Variants in ATG13 observed in about 807,000 individuals in gnomAD.
The protein encoded by ATG13 is autophagy-related protein 13.
In ATG13, 23 loss-of-function variants were observed where a neutral mutation model predicts 65.5. The observed-to-expected ratio is 0.35, with a 90% CI of 0.25 to 0.50. The LOEUF (loss-of-function observed/expected upper bound fraction) is 0.50. Among genes scored for constraint, ATG13 ranks in the 20% least tolerant of loss-of-function variants. The pLI is 0.98. For synonymous variants in ATG13, 252 were observed against 245.2 expected (o/e 1.03, Z -0.26); for missense variants, 566 against 677.0 (o/e 0.84, Z 1.82).
intron 7 of ATG13, among the ~76,000 whole-genome samples, chr11:46,653,591 A>T (rs2059369316): frequency 1.4e-5 from 2 of 147,456 alleles, no homozygotes; most frequent in Non-Finnish European, 1.5e-5. Context: ...GTTTTTTGAG[A>T]CGGAGTCTCG....
intron 2 of ATG13, among the ~76,000 whole-genome samples, chr11:46,638,921 C>T (rs1441389653): frequency 6.6e-6 from 1 of 152,138 alleles, no homozygotes; most frequent in Non-Finnish European, 1.5e-5. Flanking sequence ...CATTCTCCCA[C>T]CTCAGCCTTC....
intron 1 of ATG13, 40 bp downstream of exon 1, chr11:46,617,930 G>A (rs923806187): frequency 5.0e-6 from 2 of 398,936 alleles, no homozygotes; most frequent in Non-Finnish European, 4.4e-6. Flanking sequence ...ATCTCTCAGC[G>A]CCCCCGGGTG....
intron 9 of ATG13, 79 bp downstream of exon 9, chr11:46,657,270 C>T: frequency 1.5e-6 from 2 of 1,323,220 alleles, no homozygotes; most frequent in Non-Finnish European, 2.2e-6. Context: ...TAAGACTAAA[C>T]CTACAATTCA....
intron 5 of ATG13, among the ~76,000 whole-genome samples, chr11:46,647,395 A>G (rs898651670): frequency 1.3e-5 from 2 of 150,270 alleles, no homozygotes; most frequent in African/African-American, 4.9e-5. Flanking sequence ...CTCGTGCCTC[A>G]GCCTCCCGAG....
At chr11:46,644,205 C>A in intron 2 of ATG13, 74 bp from the exon 3 acceptor site, 1 of 1,147,936 alleles carries the variant, frequency 8.7e-7, no homozygotes, top group Non-Finnish European at 1.2e-6. Context: ...TAGACAATAC[C>A]ATCTCTGTAT....
chr11:46,620,758 A>G (rs2047222665), intron 1 of ATG13, among the ~76,000 whole-genome samples: 1 of 152,008 alleles, frequency 6.6e-6, no homozygotes, highest in Non-Finnish European at 1.5e-5. Flanking sequence ...CTGGGCAACA[A>G]GAGTGAAACT....
chr11:46,652,222 T>C (rs2059067971), intron 7 of ATG13, among the ~76,000 whole-genome samples: 1 of 152,058 alleles, frequency 6.6e-6, no homozygotes, highest in Non-Finnish European at 1.5e-5. Flanking sequence ...CACTCCAGCC[T>C]GGGTGACAGG....
At chr11:46,666,724 G>C (rs2062446914) in intron 14 of ATG13, among the ~76,000 whole-genome samples, 2 of 152,082 alleles carry the variant, frequency 1.3e-5, no homozygotes, top group Non-Finnish European at 2.9e-5. Flanking sequence ...TTCTTTCCAC[G>C]ATGCTTTCAC....
At chr11:46,657,668 A>G (rs2060309505) in intron 10 of ATG13, 46 bp downstream of exon 10, 14 of 1,483,784 alleles carry the variant, frequency 9.4e-6, no homozygotes, top group Non-Finnish European at 1.3e-5. Context: ...GCTGGGCAGA[A>G]GCATCCATCC....
intron 2 of ATG13, among the ~76,000 whole-genome samples, chr11:46,642,304 GTTTTTTTT>G (rs200225497): frequency 6.5e-4 from 70 of 107,910 alleles, no homozygotes; most frequent in African/African-American, 6.6e-4. Flanking sequence ...ATTTTTGTGG[GTTTTTTTT>G]TTTTTTTTTT....
chr11:46,617,628 C>T lies in ATG13; in HGVS notation c.-332C>T, dbSNP rs1312077580. ...AAGCGACCGGCTGCTGGGCTTAAGG[C>T]GGGAGTGACCGCTTAACCAGTGAGG... On this transcript the variant is annotated 5_prime_UTR_variant, in exon 1 of 19. Transcript: ENST00000683050. 1.7e-5 allele frequency: 4 copies of T among 231,794 alleles called. No individual in the cohort carries two copies. Among genetic ancestry groups the T allele is most frequent in the Non-Finnish European group, 3.2e-5 (4 of 124,614 alleles). 14.4% of individuals were successfully genotyped at this position (231,794 alleles called of 1,614,324 possible).
At chr11:46,669,609 C>A in intron 18 of ATG13, 77 bp downstream of exon 18, 1 of 1,495,758 alleles carries the variant, frequency 6.7e-7, no homozygotes, top group Non-Finnish European at 9.2e-7. Context: ...AGGAGGCCTA[C>A]CACCTTCTAT....
intron 7 of ATG13, among the ~76,000 whole-genome samples, chr11:46,652,477 G>A (rs1376473321): frequency 6.6e-6 from 1 of 152,156 alleles, no homozygotes; most frequent in African/African-American, 2.4e-5. Flanking sequence ...CACTTTGGGA[G>A]GCCGAGGCAG....
intron 1 of ATG13, among the ~76,000 whole-genome samples, chr11:46,622,789 C>A (rs1478530044): frequency 6.6e-6 from 1 of 152,170 alleles, no homozygotes; most frequent in Non-Finnish European, 1.5e-5. Context: ...AGATTAGATT[C>A]CAACACTTGT....
rs1392302865 is a variant in ATG13, at chr11:46,668,778, C to T, written c.1330-16C>T. 6.3e-7 allele frequency: 1 copy of T among 1,595,392 alleles called. No individual in the cohort carries two copies. The highest frequency in any genetic ancestry group is 1.1e-5 in the South Asian group (1 of 90,734). On this transcript the variant is annotated splice_polypyrimidine_tract_variant and intron_variant, in intron 16 of 18. Coordinates refer to ENST00000683050, the MANE Select transcript of ATG13 (RefSeq NM_001346311.2). The stretch of plus-strand genomic sequence containing the variant: ...GGTCACAGCATCAGCCCTAATCCTG[C>T]CTTGCTATGAAACAGGTGAATCCTC...
chr11:46,627,434 C>T (rs570210646), intron 1 of ATG13, among the ~76,000 whole-genome samples: 19 of 152,144 alleles, frequency 1.2e-4, no homozygotes, highest in South Asian at 8.3e-4. Context: ...AATTTTAATG[C>T]TTCCAAAACC....
chr11:46,642,808 A>T (rs1035237717), intron 2 of ATG13, among the ~76,000 whole-genome samples: 1 of 152,200 alleles, frequency 6.6e-6, no homozygotes, highest in Non-Finnish European at 1.5e-5. Context: ...CCTCTCGTCA[A>T]AAGCCTTGGG....
intron 10 of ATG13, 66 bp from the exon 11 acceptor site, chr11:46,659,326 T>G: frequency 7.5e-7 from 1 of 1,329,116 alleles, no homozygotes; most frequent in Non-Finnish European, 1.1e-6. Flanking sequence ...CTAATCACCT[T>G]TTATAGCCTT....
At chr11:46,647,280 G>GTTTTTTTTTT (rs60893694) in intron 5 of ATG13, among the ~76,000 whole-genome samples, 5 of 55,904 alleles carry the variant, frequency 8.9e-5, no homozygotes, top group African/African-American at 1.2e-4. Flanking sequence ...TGTTTTTTTT[G>GTTTTTTTTTT]TTTTTTTTTT....
Sources: gnomAD v4.1 joint callset for allele counts (sites outside exome capture counted in the v4.1 genomes callset) on GRCh38, gnomAD v4.1.1 for gene constraint, MANE v1.5 for transcripts, NCBI Gene and HGNC (gene_info 2026-07-23, HGNC 2026-07-21) for gene names.